RIMKLA: variants seen among roughly 807,000 people sequenced by gnomAD.
The protein encoded by RIMKLA is ribosomal modification protein rimK like family member A.
In RIMKLA, 14 loss-of-function variants were observed where a neutral mutation model predicts 32.7. The ratio of observed to expected loss-of-function variants is 0.43; its 90% CI spans 0.28 to 0.67. The LOEUF (loss-of-function observed/expected upper bound fraction) is 0.67, where lower values mean the gene tolerates loss of function less well. Among genes scored for constraint, RIMKLA ranks in the 30% least tolerant of loss-of-function variants. The pLI, the probability that RIMKLA is intolerant of heterozygous loss-of-function variation, is 0.18. For missense variants in RIMKLA, 410 were observed against 519.0 expected (o/e 0.79, Z 2.04); for synonymous variants, 176 against 204.1 (o/e 0.86, Z 1.18).
At position 42,422,756 on chromosome 1, in the gene RIMKLA, T is replaced by A. The variant is rs115122515; in HGVS notation, c.*7782T>A. On this transcript the variant is annotated 3_prime_UTR_variant, in exon 5 of 5. Transcript: ENST00000431473. The stretch of plus-strand genomic sequence containing the variant: ...ACACCAGCTGCGTTCTGAAAAACTA[T>A]AATTTTCCTTTCAAACGCAGAGTGC... 1.3e-5 allele frequency among the ~76,000 whole-genome samples: 2 copies of A among 152,228 alleles called. No homozygotes were observed. Among genetic ancestry groups the A allele is most frequent in the Non-Finnish European group, 2.9e-5 (2 of 68,040 alleles).
chr1:42,385,850 CTT>C lies in RIMKLA; in HGVS notation c.163+4755_163+4756del, dbSNP rs56386915. ...TTCCTTTCTTTCTTTCTTTCTCTTT[CTT>C]TCTTTCTTTCTTTCTTTCTTTCTTT... On this transcript the variant is annotated intron_variant, in intron 1 of 4. Coordinates refer to ENST00000431473, the MANE Select transcript of RIMKLA (RefSeq NM_173642.4). Among the ~76,000 whole-genome samples, 46 of 33,612 alleles carry C rather than the reference CTT, an allele frequency of 1.4e-3. 1 individual carries two copies. Among genetic ancestry groups the C allele is most frequent in the Admixed American group, 2.2e-3 (6 of 2,680 alleles). 22.1% of individuals were successfully genotyped at this position (33,612 alleles called of 152,430 possible).
intron 2 of RIMKLA, among the ~76,000 whole-genome samples, chr1:42,401,528 C>T (rs939803602): frequency 6.6e-6 from 1 of 151,730 alleles, no homozygotes; most frequent in South Asian, 2.1e-4. Context: ...GAGAAGCCAA[C>T]GGAGAGAGTA....
intron 2 of RIMKLA, among the ~76,000 whole-genome samples, chr1:42,401,951 G>C (rs1643100863): frequency 6.6e-6 from 1 of 152,188 alleles, no homozygotes; most frequent in Non-Finnish European, 1.5e-5. Context: ...GCCAGGGATG[G>C]ATTAGGAAGA....
Position 42,424,007 on chromosome 1 carries a change from A to G in RIMKLA, c.*9033A>G, listed in dbSNP as rs902495667. Among the ~76,000 whole-genome samples the G allele has an allele frequency of 3.3e-5, 5 of 152,266 alleles. No homozygotes were observed. The East Asian group carries it at 9.7e-4, about 29-fold the overall frequency. ...GAGTGGCAGCACTTGTGTCACATCTAAAGGCACTCCTCTGACTAAAGAGAA... is the reference window on the plus strand; with the variant it reads ...GAGTGGCAGCACTTGTGTCACATCTGAAGGCACTCCTCTGACTAAAGAGAA... On this transcript the variant is annotated 3_prime_UTR_variant, in exon 5 of 5. Coordinates refer to ENST00000431473, the MANE Select transcript of RIMKLA (RefSeq NM_173642.4).
chr1:42,386,595 G>A (rs916218828), intron 1 of RIMKLA, among the ~76,000 whole-genome samples: 3 of 151,332 alleles, frequency 2.0e-5, no homozygotes, highest in Non-Finnish European at 2.9e-5. Flanking sequence ...TAAAAAATTG[G>A]GGGGGTGCTG....
In RIMKLA at chr1:42,404,661, A is replaced by C. The variant is rs1474630442; in HGVS notation, c.481+64A>C. On this transcript the variant is annotated intron_variant, in intron 3 of 4. Transcript: ENST00000431473. ...CCACTAGGGCTGCTGCTCTGCCTGG[A>C]CAAGACACTCCTCAAGTGCTGCTTA... is the stretch of plus-strand genomic sequence containing the variant. 1.7e-5 allele frequency: 17 copies of C among 1,024,126 alleles called. No individual in the cohort carries two copies. In the South Asian group the frequency reaches 1.9e-4, roughly 11 times the overall value. 63.4% of individuals were successfully genotyped at this position (1,024,126 alleles called of 1,614,324 possible). A position where few individuals can be genotyped will look rare whatever the true frequency, so the allele number is the denominator to read the frequency against.
intron 1 of RIMKLA, among the ~76,000 whole-genome samples, chr1:42,382,098 A>C (rs578246264): frequency 7.2e-5 from 11 of 152,364 alleles, no homozygotes; most frequent in African/African-American, 2.6e-4. Flanking sequence ...AAGACTACTT[A>C]CAAGTGAGAT....
intron 1 of RIMKLA, among the ~76,000 whole-genome samples, chr1:42,383,027 T>TTTTTG (rs1001711967): frequency 2.0e-5 from 3 of 150,510 alleles, no homozygotes; most frequent in African/African-American, 7.3e-5. Flanking sequence ...TTTTTTTTAA[T>TTTTTG]TTTTATTTTA....
At chr1:42,381,193 C>G (rs1299011581) in intron 1 of RIMKLA, 96 bp downstream of exon 1, 1 of 962,704 alleles carries the variant, frequency 1.0e-6, no homozygotes, top group African/African-American at 1.7e-5. Flanking sequence ...GCAGCAGAGT[C>G]TCCTTCGGGC....
rs999511016 is a variant in RIMKLA, at chr1:42,424,010, G to A, written c.*9036G>A. Reference sequence around the variant, plus strand: ...TGGCAGCACTTGTGTCACATCTAAAGGCACTCCTCTGACTAAAGAGAAGTG... The same window carrying A: ...TGGCAGCACTTGTGTCACATCTAAAAGCACTCCTCTGACTAAAGAGAAGTG... On this transcript the variant is annotated 3_prime_UTR_variant, in exon 5 of 5. Coordinates refer to ENST00000431473, the MANE Select transcript of RIMKLA (RefSeq NM_173642.4). 1.8e-4 allele frequency among the ~76,000 whole-genome samples: 28 copies of A among 152,134 alleles called. No homozygotes were observed. The highest frequency in any genetic ancestry group is 5.8e-4 in the African/African-American group (24 of 41,432).
chr1:42,385,255 T>TG (rs1642926289), intron 1 of RIMKLA, among the ~76,000 whole-genome samples: 1 of 152,104 alleles, frequency 6.6e-6, no homozygotes, highest in African/African-American at 2.4e-5. Flanking sequence ...AGCTTCTGTG[T>TG]GGGGGAGATC....
intron 1 of RIMKLA, among the ~76,000 whole-genome samples, chr1:42,393,313 A>C (rs772193688): frequency 6.6e-6 from 1 of 152,192 alleles, no homozygotes; most frequent in Non-Finnish European, 1.5e-5. Flanking sequence ...GAAACAATCA[A>C]TGTGTTTCAG....
At chr1:42,392,531 C>T (rs145254508) in intron 1 of RIMKLA, among the ~76,000 whole-genome samples, 3 of 152,180 alleles carry the variant, frequency 2.0e-5, no homozygotes, top group African/African-American at 7.2e-5. Flanking sequence ...CGGCTTCTGA[C>T]TACCAGCACC....
chr1:42,385,392 C>T (rs1478124779), intron 1 of RIMKLA, among the ~76,000 whole-genome samples: 1 of 152,108 alleles, frequency 6.6e-6, no homozygotes, highest in Non-Finnish European at 1.5e-5. Flanking sequence ...AGATACCCAC[C>T]AAGACATATA....
intron 1 of RIMKLA, among the ~76,000 whole-genome samples, chr1:42,385,717 C>CTTTCTTTCTTTCTT (rs1249936574): frequency 9.2e-6 from 1 of 109,040 alleles, no homozygotes; most frequent in African/African-American, 3.3e-5. Context: ...TTCTTTCCTT[C>CTTTCTTTCTTTCTT]TCTTTCTTTC....
At chr1:42,405,576 A>G (rs1301376981) in intron 3 of RIMKLA, among the ~76,000 whole-genome samples, 2 of 152,196 alleles carry the variant, frequency 1.3e-5, no homozygotes, top group African/African-American at 2.4e-5. Flanking sequence ...AGCAACTACT[A>G]TGGTGTAGGG....
Position 42,415,556 on chromosome 1 carries a change from G to A in RIMKLA, c.*582G>A, listed in dbSNP as rs1643239493. ...TTTTCAGTGAAGCACTTTGTAGAAA[G>A]TGAGATTGAACGTTCTTTGACTTCA... On this transcript the variant is annotated 3_prime_UTR_variant, in exon 5 of 5. Transcript: ENST00000431473. The A allele has an allele frequency of 6.6e-6, 1 of 152,356 alleles. No homozygotes were observed. Among genetic ancestry groups the A allele is most frequent in the Non-Finnish European group, 1.5e-5 (1 of 68,150 alleles). The allele number at this position is 152,356 out of a possible 1,614,324, so 9.4% of individuals were successfully genotyped here.
At chr1:42,409,201 CAAAAAAAAAAAAA>C (rs59543497) in intron 3 of RIMKLA, among the ~76,000 whole-genome samples, 5 of 64,480 alleles carry the variant, frequency 7.8e-5, no homozygotes, top group African/African-American at 2.7e-4. Context: ...GACTCTGTCT[CAAAAAAAAAAAAA>C]AAAAAAAAAA....
chr1:42,391,975 A>G (rs1430096406), intron 1 of RIMKLA, among the ~76,000 whole-genome samples: 2 of 152,184 alleles, frequency 1.3e-5, no homozygotes, highest in Admixed American at 1.3e-4. Flanking sequence ...CCACTTTGCC[A>G]AATTCCCTTT....
Sources: allele counts gnomAD v4.1 joint callset (sites outside exome capture counted in the v4.1 genomes callset), GRCh38; gene constraint gnomAD v4.1.1; transcripts MANE v1.5; gene names NCBI Gene and HGNC (gene_info 2026-07-23, HGNC 2026-07-21).